Variants in SCMH1 observed in about 807,000 individuals in gnomAD.
SCMH1 encodes the protein Scm polycomb group protein homolog 1.
In SCMH1, 37 loss-of-function variants were observed where a neutral mutation model predicts 70.8. The ratio of observed to expected loss-of-function variants is 0.52; its 90% CI spans 0.40 to 0.69. The LOEUF (loss-of-function observed/expected upper bound fraction) is 0.69. Among genes scored for constraint, SCMH1 ranks in the 30% least tolerant of loss-of-function variants. SCMH1 has a pLI of 0.00. For missense variants in SCMH1, 607 were observed against 827.3 expected, an observed-to-expected ratio of 0.73 and a Z score of 3.27; for synonymous variants, 292 against 307.4, an observed-to-expected ratio of 0.95 and a Z score of 0.52.
intron 1 of SCMH1, among the ~76,000 whole-genome samples, chr1:41,227,052 G>A (rs1010853877): frequency 2.2e-4 from 34 of 152,158 alleles, no homozygotes; most frequent in African/African-American, 7.5e-4. Context: ...CTCTCACCAC[G>A]GATCATGTTA....
chr1:41,202,743 C>A (rs966278085), intron 1 of SCMH1, among the ~76,000 whole-genome samples: 5 of 152,030 alleles, frequency 3.3e-5, no homozygotes, highest in African/African-American at 1.2e-4. Context: ...GGAGGCTCCA[C>A]TGGATGAAGG....
intron 13 of SCMH1, among the ~76,000 whole-genome samples, chr1:41,030,760 T>G (rs1337032019): frequency 6.6e-6 from 1 of 152,202 alleles, no homozygotes; most frequent in Non-Finnish European, 1.5e-5. Flanking sequence ...CAATATAAGC[T>G]CTCTCTTGTT....
chr1:41,189,778 C>A (rs937671992), intron 1 of SCMH1, among the ~76,000 whole-genome samples: 2 of 152,212 alleles, frequency 1.3e-5, no homozygotes. Flanking sequence ...AGTAATGCAG[C>A]TAGCAATAAG....
At chr1:41,211,360 A>T (rs1181169714) in intron 1 of SCMH1, among the ~76,000 whole-genome samples, 3 of 152,248 alleles carry the variant, frequency 2.0e-5, no homozygotes, top group African/African-American at 7.2e-5. Flanking sequence ...GGCAAAGGAT[A>T]TGAATACAGA....
intron 2 of SCMH1, among the ~76,000 whole-genome samples, chr1:41,162,450 T>C (rs1203173602): frequency 6.6e-6 from 1 of 152,088 alleles, no homozygotes; most frequent in Non-Finnish European, 1.5e-5. Flanking sequence ...TGGTGCCTTT[T>C]CCAGGCCTGC....
intron 2 of SCMH1, among the ~76,000 whole-genome samples, chr1:41,177,568 T>C (rs1024479171): frequency 6.6e-5 from 10 of 152,064 alleles, no homozygotes; most frequent in African/African-American, 2.2e-4. Context: ...CTGAAAACCA[T>C]GGCATGAGAA....
rs181223388 is a variant in SCMH1, at chr1:41,035,838, C to G, written c.1678+1524G>C. Among the ~76,000 whole-genome samples the G allele has an allele frequency of 8.1e-3, 1,219 of 150,760 alleles. 12 individuals carry two copies. The highest frequency in any genetic ancestry group is 0.012 in the Admixed American group (179 of 14,970). The stretch of plus-strand genomic sequence containing the variant: ...GTCCCCAGCACAATCTGCCTTCACC[C>G]CTCCACCACAGCACCAAGGCTGCTT... On this transcript the variant is annotated intron_variant, in intron 13 of 14. Coordinates refer to ENST00000337495, the Ensembl canonical transcript of SCMH1.
At chr1:41,166,307 TTGTTTGGCTATTTGGGATCC>T (rs1646404712) in intron 2 of SCMH1, among the ~76,000 whole-genome samples, 1 of 152,128 alleles carries the variant, frequency 6.6e-6, no homozygotes, top group Non-Finnish European at 1.5e-5. Context: ...TTGGTCAAGA[TTGTTTGGCTATTTGGGATCC>T]TTTGTGTCTC....
At chr1:41,069,152 G>A (rs1277443398) in intron 10 of SCMH1, among the ~76,000 whole-genome samples, 2 of 152,126 alleles carry the variant, frequency 1.3e-5, no homozygotes, top group Admixed American at 6.6e-5. Context: ...TATACTACAT[G>A]GCTCAATTGA....
At chr1:41,126,638 C>T (rs1673240810) in intron 6 of SCMH1, among the ~76,000 whole-genome samples, 1 of 152,018 alleles carries the variant, frequency 6.6e-6, no homozygotes, top group East Asian at 1.9e-4. Context: ...CTTCTCTTTC[C>T]CAAAAGTTAG....
chr1:41,128,697 T>C (rs938037511), intron 6 of SCMH1, among the ~76,000 whole-genome samples: 3 of 152,164 alleles, frequency 2.0e-5, no homozygotes, highest in African/African-American at 7.2e-5. Context: ...AGTTATAGTT[T>C]TCATAGTATT....
intron 12 of SCMH1, chr1:41,043,566 G>C: frequency 6.6e-6 from 1 of 151,330 alleles, no homozygotes; most frequent in Non-Finnish European, 1.5e-5. Flanking sequence ...GGGACTACAG[G>C]TGCCTGCCAC....
At chr1:41,033,620 C>T (rs1006754731) in intron 13 of SCMH1, among the ~76,000 whole-genome samples, 3 of 152,170 alleles carry the variant, frequency 2.0e-5, no homozygotes, top group African/African-American at 4.8e-5. Flanking sequence ...TTGTCTCAGT[C>T]TGAGCATGAC....
At chr1:41,205,530 G>A (rs544862761) in intron 1 of SCMH1, among the ~76,000 whole-genome samples, 12 of 152,104 alleles carry the variant, frequency 7.9e-5, no homozygotes, top group East Asian at 3.9e-4. Flanking sequence ...GCATCCTCGC[G>A]GGGGGGAGGG....
chr1:41,037,330 G>C (rs377413568), intron 13 of SCMH1, 32 bp downstream of exon 13: 668 of 1,601,836 alleles, frequency 4.2e-4, no homozygotes, highest in Middle Eastern at 2.7e-3. Context: ...GAGTGAGGGA[G>C]GGAAGGAGGG....
chr1:41,058,998 A>G (rs1045149690), intron 10 of SCMH1, among the ~76,000 whole-genome samples: 6 of 152,178 alleles, frequency 3.9e-5, no homozygotes, highest in Non-Finnish European at 8.8e-5. Context: ...GAGACCATCG[A>G]AGAGTTTACT....
intron 6 of SCMH1, among the ~76,000 whole-genome samples, chr1:41,137,087 A>G (rs902537119): frequency 6.6e-6 from 1 of 152,156 alleles, no homozygotes; most frequent in Admixed American, 6.5e-5. Context: ...GGCCAGGACC[A>G]GTACTTTGAA....
chr1:41,142,812 G>A, intron 6 of SCMH1, 66 bp downstream of exon 6: 1 of 1,349,342 alleles, frequency 7.4e-7, no homozygotes, highest in Admixed American at 1.7e-5. Context: ...CCCATAATAG[G>A]ATGTTCAGTT....
At chr1:41,160,951 A>C in intron 3 of SCMH1, 53 bp from the exon 4 acceptor site, 2 of 1,497,930 alleles carry the variant, frequency 1.3e-6, no homozygotes, top group East Asian at 4.9e-5. Flanking sequence ...ACATACCAAC[A>C]TGATGGAAGG....
Sources: allele counts gnomAD v4.1 joint callset (sites outside exome capture counted in the v4.1 genomes callset), GRCh38; gene constraint gnomAD v4.1.1; transcripts MANE v1.5; gene names NCBI Gene and HGNC (gene_info 2026-07-23, HGNC 2026-07-21).